Variants in DPEP2 observed in about 807,000 individuals in gnomAD.
DPEP2 encodes dipeptidase 2.
A neutral mutation model predicts 51.8 loss-of-function variants in DPEP2; 45 were observed. The observed-to-expected ratio is 0.87, with a 90% CI of 0.68 to 1.11. DPEP2 has a LOEUF of 1.11. Ranked by LOEUF, DPEP2 falls within the 50% of genes most tolerant of loss-of-function variation. The pLI is 0.00. For missense variants in DPEP2, 604 were observed against 631.9 expected (o/e 0.96, Z 0.47); for synonymous variants, 255 against 262.7 (o/e 0.97, Z 0.28).
chr16:67,994,173 T>G, intron 1 of DPEP2: 1 of 985,436 alleles, frequency 1.0e-6, no homozygotes, highest in Non-Finnish European at 1.2e-6. Context: ...TCCTAGAGCT[T>G]CTGGCTGATC....
At chr16:67,998,603 G>T (rs965145471) in intron 1 of DPEP2, among the ~76,000 whole-genome samples, 2 of 152,256 alleles carry the variant, frequency 1.3e-5, no homozygotes, top group Non-Finnish European at 2.9e-5. Flanking sequence ...GAGTGCGGGC[G>T]CATGGCGCAG....
intron 2 of DPEP2, 107 bp downstream of exon 2, chr16:67,992,843 C>T (rs776333397): frequency 8.7e-6 from 13 of 1,489,536 alleles, no homozygotes; most frequent in Non-Finnish European, 1.2e-5. Flanking sequence ...GAGAGGGCAT[C>T]CAGGGGTGGT....
In DPEP2 at chr16:67,992,098, G is replaced by A; in HGVS notation, c.486C>T (p.Ser162=). Residue 162 remains serine (S), a synonymous_variant, in exon 4 of 11, where the codon TCC becomes TCT. Transcript: ENST00000393847. ...AGGTCACAAGCTCCAGCTCAGAATA[G>A]GAGGCACACATGCGGCGTATGAGGT... The part of the protein sequence containing the change: ...QIDLIRRMCA[S]YSELELVTSA... 1.2e-6 allele frequency: 2 copies of A among 1,614,210 alleles called. No individual in the cohort carries two copies. Among genetic ancestry groups the A allele is most frequent in the Non-Finnish European group, 1.7e-6 (2 of 1,180,040 alleles).
chr16:67,992,294 G>A (rs992020886), intron 3 of DPEP2, 101 bp from the exon 4 acceptor site: 1 of 1,506,240 alleles, frequency 6.6e-7, no homozygotes, highest in African/African-American at 1.4e-5. Flanking sequence ...TGGGCCAGGA[G>A]GCCACATGTA....
intron 1 of DPEP2, among the ~76,000 whole-genome samples, chr16:67,999,114 C>G (rs576644459): frequency 3.3e-5 from 5 of 152,264 alleles, no homozygotes; most frequent in African/African-American, 1.2e-4. Flanking sequence ...GTAAATCTTG[C>G]TACTGTTCAC....
chr16:67,992,875 C>T, intron 2 of DPEP2, 75 bp downstream of exon 2: 1 of 1,529,992 alleles, frequency 6.5e-7, no homozygotes, highest in African/African-American at 1.4e-5. Context: ...TCCTCCACAG[C>T]CCTGCATACT....
At chr16:67,990,227 C>G in intron 7 of DPEP2, 96 bp from the exon 8 acceptor site, 1 of 1,200,436 alleles carries the variant, frequency 8.3e-7, no homozygotes, top group Non-Finnish European at 1.2e-6. Flanking sequence ...GTGTTCAGCT[C>G]TGACTTCAGG....
Position 67,990,977 on chromosome 16 carries a change from G to A in DPEP2, c.753C>T (p.Asn251=). The change falls in exon 7 of 11, where the codon AAC becomes AAT. Residue 251 remains asparagine (N), a synonymous_variant. Coordinates refer to ENST00000393847, the MANE Select transcript of DPEP2 (RefSeq NM_022355.4). ...ATAAGTCTACCATCATGCCCAGGCG[G>A]TTCATTTCTGCCACCACCTTCTGCA... The part of the protein sequence containing the change: ...DFGEKVVAEM[N]RLGMMVDLSH... The A allele has an allele frequency of 4.3e-6, 7 of 1,614,114 alleles. No individual in the cohort carries two copies. Among genetic ancestry groups the A allele is most frequent in the Non-Finnish European group, 5.1e-6 (6 of 1,179,924 alleles).
At position 67,987,968 on chromosome 16, in the gene DPEP2, C is replaced by T. The variant is rs199952465; in HGVS notation, c.1090G>A (p.Asp364Asn). The T allele has an allele frequency of 2.5e-6, 4 of 1,614,178 alleles. No individual in the cohort carries two copies. The Admixed American group carries it at 6.7e-5, about 27-fold the overall frequency. ...ATCAGGACCGGGTATGTGGACACGTCTTCCAGCCCCTGAGGGAATCTGTGT... is the reference window on the plus strand; with the variant it reads ...ATCAGGACCGGGTATGTGGACACGTTTTCCAGCCCCTGAGGGAATCTGTGT... ...GAGKFPQGLE[D>N]VSTYPVLIEE... Residue 364 changes from aspartate to asparagine, a missense_variant, in exon 10 of 11, where the codon GAC becomes AAC. By Grantham distance (23) the Asp-to-Asn change is conservative. Transcript: ENST00000393847.
intron 1 of DPEP2, chr16:67,993,513 A>C (rs998486405): frequency 8.7e-7 from 1 of 1,154,262 alleles, no homozygotes; most frequent in African/African-American, 1.6e-5. Context: ...AGGGCCCTCC[A>C]CCCTCCCTTT....
intron 1 of DPEP2, 161 bp from the exon 2 acceptor site, chr16:67,993,418 G>A (rs1281072864): frequency 1.6e-6 from 2 of 1,262,598 alleles, no homozygotes; most frequent in East Asian, 3.2e-5. Context: ...ACCAGGGGGC[G>A]CCCAGCCCTC....
Position 67,988,612 on chromosome 16 carries a change from AAAAAG to A in DPEP2, c.1071-630_1071-626del, listed in dbSNP as rs1957808127. 6.0e-5 allele frequency among the ~76,000 whole-genome samples: 9 copies of A among 149,990 alleles called. No homozygotes were observed. The South Asian group carries it at 1.3e-3, about 21-fold the overall frequency. On this transcript the variant is annotated intron_variant, in intron 9 of 10. Transcript: ENST00000393847. The stretch of plus-strand genomic sequence containing the variant: ...AGTGAGCCTCTGTCTCAAAAAAAAA[AAAAAG>A]AAAAGAAAAAAAGAAGAAAAGGCCC...
In DPEP2 at chr16:67,987,751, C is replaced by T. The variant is rs976719141; in HGVS notation, c.1216G>A (p.Glu406Lys). Residue 406 changes from glutamate to lysine, a missense_variant, in exon 11 of 11, where the codon GAA (glutamate) becomes AAA (lysine). Glu to Lys is a moderately conservative substitution (Grantham distance 56). Coordinates refer to ENST00000393847, the MANE Select transcript of DPEP2 (RefSeq NM_022355.4). The part of the protein sequence containing the change: ...VFRQVEKVQE[E>K]NKWQSPLEDK... Reference sequence around the variant, plus strand: ...TCCAAGGGGCTTTGCCATTTGTTTTCTTCCTGTACCTAGAGGTGGCAGTCG... The same window carrying T: ...TCCAAGGGGCTTTGCCATTTGTTTTTTTCCTGTACCTAGAGGTGGCAGTCG... 5.0e-6 allele frequency: 8 copies of T among 1,613,294 alleles called. No individual in the cohort carries two copies. Among genetic ancestry groups the T allele is most frequent in the Non-Finnish European group, 6.8e-6 (8 of 1,179,360 alleles).
chr16:67,991,254 C>A lies in DPEP2; in HGVS notation c.663-70G>T. 1 of 1,500,702 alleles carries A rather than the reference C, an allele frequency of 6.7e-7. No homozygotes were observed. The highest frequency in any genetic ancestry group is 9.2e-7 in the Non-Finnish European group (1 of 1,090,156). 93.0% of individuals were successfully genotyped at this position (1,500,702 alleles called of 1,614,324 possible). Reference sequence around the variant, plus strand: ...GCCTCAAGAGTCTAGAGGCCCTACCCACCCTCCATCCCTGCACCCCCCTGA... The same window carrying A: ...GCCTCAAGAGTCTAGAGGCCCTACCAACCCTCCATCCCTGCACCCCCCTGA... On this transcript the variant is annotated intron_variant, in intron 5 of 10. Coordinates refer to ENST00000393847, the MANE Select transcript of DPEP2 (RefSeq NM_022355.4). This position sits in a 1 kb window ranked among gnomAD's most constrained non-coding sequence, Gnocchi z 5.1.
At chr16:67,997,750 G>A (rs1488828155) in intron 1 of DPEP2, among the ~76,000 whole-genome samples, 2 of 152,224 alleles carry the variant, frequency 1.3e-5, no homozygotes, top group African/African-American at 4.8e-5. Flanking sequence ...GAAGGGGCCT[G>A]TAAGGGGGAG....
chr16:67,999,516 G>A, upstream of DPEP2: 1 of 986,298 alleles, frequency 1.0e-6, no homozygotes, highest in South Asian at 4.7e-5. Flanking sequence ...AGGGCACAGA[G>A]ATGGCTTTGG....
At chr16:67,999,604 C>T (rs2032913264), upstream of DPEP2, 1 of 596,312 alleles carries the variant, frequency 1.7e-6, no homozygotes, top group East Asian at 1.4e-4. Flanking sequence ...CATGTGAGCC[C>T]ACGATGCCTG....
chr16:67,988,036 A>G, intron 9 of DPEP2, 49 bp from the exon 10 acceptor site: 1 of 1,612,492 alleles, frequency 6.2e-7, no homozygotes, highest in African/African-American at 1.3e-5. Flanking sequence ...CCTGATCATG[A>G]CTCAGAACCA....
In DPEP2 at chr16:67,992,117, A is replaced by G. The variant is rs1255009731; in HGVS notation, c.467T>C (p.Ile156Thr). 12 of 1,614,064 alleles carry G rather than the reference A, an allele frequency of 7.4e-6. No individual in the cohort carries two copies. The Admixed American group carries it at 2.0e-4, about 27-fold the overall frequency. ...AGAATAGGAGGCACACATGCGGCGT[A>G]TGAGGTCAATCTGCTCCAGGGTGAG... ...LRLTLEQIDL[I>T]RRMCASYSEL... Residue 156 changes from isoleucine to threonine, a missense_variant, in exon 4 of 11, where the codon ATA (isoleucine) becomes ACA (threonine). Ile to Thr is a moderately conservative substitution (Grantham distance 89). Transcript: ENST00000393847.
Sources: allele counts gnomAD v4.1 joint callset (sites outside exome capture counted in the v4.1 genomes callset), GRCh38; gene constraint gnomAD v4.1.1; non-coding constraint Gnocchi (gnomAD v3.1); transcripts MANE v1.5; gene names NCBI Gene and HGNC (gene_info 2026-07-23, HGNC 2026-07-21).